SMYD2: variants seen among roughly 807,000 people sequenced by gnomAD.
The protein encoded by SMYD2 is SET and MYND domain containing 2.
In SMYD2, 53 loss-of-function variants were observed where a neutral mutation model predicts 59.1. That is an observed-to-expected ratio of 0.90 (90% CI 0.72 to 1.13). The LOEUF is 1.13. Among genes scored for constraint, SMYD2 ranks in the 50% most tolerant of loss-of-function variants. SMYD2 has a pLI of 0.00. For synonymous variants in SMYD2, 208 were observed against 198.8 expected (o/e 1.05, Z -0.39); for missense variants, 494 against 544.7 (o/e 0.91, Z 0.93).
At chr1:214,303,865 C>G (rs1177503208) in intron 1 of SMYD2, among the ~76,000 whole-genome samples, 1 of 152,280 alleles carries the variant, frequency 6.6e-6, no homozygotes, top group East Asian at 1.9e-4. Flanking sequence ...GGCTCTGCGG[C>G]AGTGTAGCCG....
rs1376266061 is a variant in SMYD2 at position 214,312,320 on chromosome 1, T to C, written c.238-2442T>C. ...GAGATATCTTCATTCCTTCAACAAC[T>C]ATATTGAGTGCCTACTAAATGCCAG... On this transcript the variant is annotated intron_variant, in intron 2 of 11. Coordinates refer to ENST00000366957, the MANE Select transcript of SMYD2 (RefSeq NM_020197.3). The surrounding 1 kb of genome is among the most constrained non-coding windows in gnomAD (Gnocchi z 4.1). Among the ~76,000 whole-genome samples the C allele has an allele frequency of 6.6e-6, 1 of 152,174 alleles. No individual in the cohort carries two copies. The highest frequency in any genetic ancestry group is 1.5e-5 in the Non-Finnish European group (1 of 68,024).
chr1:214,325,024 G>T (rs1465874265), intron 6 of SMYD2, among the ~76,000 whole-genome samples: 1 of 152,232 alleles, frequency 6.6e-6, no homozygotes, highest in Admixed American at 6.5e-5. Flanking sequence ...CTGTGGTTCT[G>T]GAAATCTTTC....
chr1:214,322,367 C>T (rs1302629605), intron 5 of SMYD2, among the ~76,000 whole-genome samples: 2 of 152,150 alleles, frequency 1.3e-5, no homozygotes, highest in Non-Finnish European at 2.9e-5. Flanking sequence ...GGTTGTTAGT[C>T]AATGTCTGTG....
intron 1 of SMYD2, among the ~76,000 whole-genome samples, chr1:214,288,024 G>T (rs1039314273): frequency 1.3e-5 from 2 of 152,188 alleles, no homozygotes; most frequent in Admixed American, 6.5e-5. Context: ...CAGTGACCAA[G>T]CTGCACGTTT....
Position 214,337,015 on chromosome 1 carries a change from T to G in SMYD2, c.*231T>G, listed in dbSNP as rs1657451041. 1 of 456,326 alleles carries G rather than the reference T, an allele frequency of 2.2e-6. No individual in the cohort carries two copies. The highest frequency in any genetic ancestry group is 3.8e-6 in the Non-Finnish European group (1 of 260,188). 28.3% of individuals were successfully genotyped at this position (456,326 alleles called of 1,614,324 possible). ...GTTTCCTAAGAGATAATGGCATGGTTTCATATGTTATACTTTGGACAGACA... is the reference window on the plus strand; with the variant it reads ...GTTTCCTAAGAGATAATGGCATGGTGTCATATGTTATACTTTGGACAGACA... On this transcript the variant is annotated 3_prime_UTR_variant, in exon 12 of 12. Coordinates refer to ENST00000366957, the MANE Select transcript of SMYD2 (RefSeq NM_020197.3).
rs755918260 is a variant in SMYD2, at chr1:214,314,801, A to G, written c.277A>G (p.Met93Val). 7.4e-6 allele frequency: 12 copies of G among 1,613,938 alleles called. No homozygotes were observed. Among genetic ancestry groups the G allele is most frequent in the African/African-American group, 1.3e-5 (1 of 74,884 alleles). ...CATGCACAAGCTGGAATGTTCTCCC[A>G]TGGTTGTTTTTGGGGAAAACTGGAA... is the stretch of plus-strand genomic sequence containing the variant. ...WPMHKLECSP[M>V]VVFGENWNPS... The change falls in exon 3 of 12, where the codon ATG becomes GTG. Residue 93 changes from methionine to valine, a missense_variant. Met to Val is a conservative substitution (Grantham distance 21, BLOSUM62 1). Coordinates refer to ENST00000366957, the MANE Select transcript of SMYD2 (RefSeq NM_020197.3).
intron 3 of SMYD2, 100 bp downstream of exon 3, chr1:214,314,972 C>A: frequency 1.2e-6 from 1 of 832,520 alleles, no homozygotes; most frequent in Non-Finnish European, 2.0e-6. Flanking sequence ...TCTCGTTAAA[C>A]ATCCTTAGAC....
At chr1:214,322,018 G>A (rs1226001331) in intron 5 of SMYD2, among the ~76,000 whole-genome samples, 1 of 152,170 alleles carries the variant, frequency 6.6e-6, no homozygotes, top group Non-Finnish European at 1.5e-5. Context: ...GGGACTGATG[G>A]TCATAAAGTG....
intron 1 of SMYD2, among the ~76,000 whole-genome samples, chr1:214,290,525 C>T (rs971936770): frequency 4.6e-5 from 7 of 152,220 alleles, no homozygotes; most frequent in South Asian, 4.1e-4. Context: ...AAAATGAATG[C>T]GTGCTATAAT....
intron 1 of SMYD2, among the ~76,000 whole-genome samples, chr1:214,290,023 T>C (rs541129091): frequency 1.3e-5 from 2 of 152,336 alleles, no homozygotes; most frequent in African/African-American, 4.8e-5. Context: ...CTTGGCCTCA[T>C]TAGAGCTCTA....
In SMYD2 at chr1:214,328,450, G is replaced by T. The variant is rs550657260; in HGVS notation, c.705+726G>T. 2.1e-5 allele frequency among the ~76,000 whole-genome samples: 3 copies of T among 139,692 alleles called. No individual in the cohort carries two copies. The South Asian group carries it at 6.8e-4, about 32-fold the overall frequency. 91.6% of individuals were successfully genotyped at this position (139,692 alleles called of 152,430 possible). A position where few individuals can be genotyped will look rare whatever the true frequency, so the allele number is the denominator to read the frequency against. On this transcript the variant is annotated intron_variant, in intron 7 of 11. Coordinates refer to ENST00000366957, the MANE Select transcript of SMYD2 (RefSeq NM_020197.3). Reference sequence around the variant, plus strand: ...CAGCGATTCCCTGTTCCCTTCCCATGTGTGATTCCTGACTACCTCATGAGA... The same window carrying T: ...CAGCGATTCCCTGTTCCCTTCCCATTTGTGATTCCTGACTACCTCATGAGA...
intron 1 of SMYD2, among the ~76,000 whole-genome samples, chr1:214,300,741 C>G (rs1307234822): frequency 1.3e-5 from 2 of 152,180 alleles, no homozygotes; most frequent in Non-Finnish European, 2.9e-5. Flanking sequence ...AATTCTGCCA[C>G]CTAGTTGCAG....
intron 1 of SMYD2, among the ~76,000 whole-genome samples, chr1:214,292,121 A>AGAGAGAGAGAGAGAGAGAGAGAGAG (rs1553254071): frequency 6.8e-6 from 1 of 146,616 alleles, no homozygotes; most frequent in African/African-American, 2.5e-5. Context: ...AGAGAGAGAG[A>AGAGAGAGAGAGAGAGAGAGAGAGAG]AGCCCACCTC....
At chr1:214,305,787 A>G (rs1052281617) in intron 2 of SMYD2, among the ~76,000 whole-genome samples, 1 of 152,152 alleles carries the variant, frequency 6.6e-6, no homozygotes, top group African/African-American at 2.4e-5. Context: ...TTCAGCATGG[A>G]TGAGTCTCAA....
intron 6 of SMYD2, among the ~76,000 whole-genome samples, chr1:214,327,142 GTC>G (rs1444732683): frequency 6.6e-6 from 1 of 152,194 alleles, no homozygotes; most frequent in Non-Finnish European, 1.5e-5. Flanking sequence ...GTGTCTCCGG[GTC>G]TCTCAGGGGA....
At chr1:214,299,831 C>A (rs1656793425) in intron 1 of SMYD2, among the ~76,000 whole-genome samples, 1 of 152,202 alleles carries the variant, frequency 6.6e-6, no homozygotes. Flanking sequence ...TGGTCTTGAT[C>A]TCCTGACCTC....
At position 214,331,034 on chromosome 1, in the gene SMYD2, G is replaced by A. The variant is rs141612441; in HGVS notation, c.901G>A (p.Val301Ile). The A allele has an allele frequency of 3.9e-5, 63 of 1,614,202 alleles. 1 individual carries two copies. The highest frequency in any genetic ancestry group is 2.3e-4 in the African/African-American group (17 of 75,052). The change falls in exon 9 of 12, where the codon GTC (valine) becomes ATC (isoleucine). Residue 301 changes from valine to isoleucine, a missense_variant. By Grantham distance (29) the Val-to-Ile change is conservative. Transcript: ENST00000366957. ...IRDMVRYARNVIEEFRRAKHY... is the reference protein window; with the variant it reads ...IRDMVRYARNIIEEFRRAKHY... ...AGACATGGTCAGATATGCACGCAAC[G>A]TCATTGAAGAGTTCCGGAGGGCCAA...
intron 5 of SMYD2, among the ~76,000 whole-genome samples, chr1:214,323,358 G>A (rs557373265): frequency 2.4e-4 from 36 of 152,292 alleles, no homozygotes; most frequent in African/African-American, 8.4e-4. Context: ...GGCATGTATA[G>A]TCCTCATTTT....
intron 1 of SMYD2, among the ~76,000 whole-genome samples, chr1:214,295,398 T>TG (rs1236197926): frequency 2.4e-5 from 1 of 41,320 alleles, no homozygotes; most frequent in Non-Finnish European, 5.3e-5. Flanking sequence ...GCTTCATGAA[T>TG]TTTTTTTGCT....
Sources: allele counts gnomAD v4.1 joint callset (sites outside exome capture counted in the v4.1 genomes callset), GRCh38; gene constraint gnomAD v4.1.1; non-coding constraint Gnocchi (gnomAD v3.1); transcripts MANE v1.5; gene names NCBI Gene and HGNC (gene_info 2026-07-23, HGNC 2026-07-21).